The following KIT variants were observed in gnomAD, a reference collection of about 807,000 sequenced individuals.
The protein encoded by KIT is KIT proto-oncogene, receptor tyrosine kinase.
KIT carries 16 observed loss-of-function variants against 105.7 expected under a neutral mutation model. The observed-to-expected ratio is 0.15, with a 90% CI of 0.10 to 0.23. The LOEUF is 0.23. KIT is among the 10% of genes least tolerant of loss of function. The probability of loss-of-function intolerance (pLI) is 1.00; values close to 1 mark genes in which losing one functional copy is unlikely to be tolerated. For synonymous variants in KIT, 438 were observed against 441.1 expected (o/e 0.99, Z 0.09); for missense variants, 858 against 1,213.8 (o/e 0.71, Z 4.36).
chr4:54,662,990 G>A (rs573257495), intron 1 of KIT, among the ~76,000 whole-genome samples: 1 of 146,208 alleles, frequency 6.8e-6, no homozygotes, highest in Non-Finnish European at 1.5e-5. Context: ...TTTTCTCCAG[G>A]GGGGAAAAAA....
chr4:54,684,273 C>T (rs1719153822), intron 1 of KIT, among the ~76,000 whole-genome samples: 1 of 152,176 alleles, frequency 6.6e-6, no homozygotes, highest in African/African-American at 2.4e-5. Flanking sequence ...CCTTGGCGAA[C>T]CTGGGAAACA....
chr4:54,737,049 C>G (rs1248514646), intron 19 of KIT, 126 bp from the exon 20 acceptor site: 4 of 750,918 alleles, frequency 5.3e-6, no homozygotes, highest in Non-Finnish European at 9.7e-6. Flanking sequence ...TTTATGTTAT[C>G]TATATGTCAG....
chr4:54,706,621 CTG>C (rs1348341797), intron 5 of KIT, among the ~76,000 whole-genome samples: 1 of 151,988 alleles, frequency 6.6e-6, no homozygotes, highest in Non-Finnish European at 1.5e-5. Context: ...TTTGATTTAT[CTG>C]TGATATATAA....
intron 1 of KIT, among the ~76,000 whole-genome samples, chr4:54,670,014 T>A (rs1354203524): frequency 2.0e-5 from 3 of 152,158 alleles, no homozygotes; most frequent in Non-Finnish European, 2.9e-5. Context: ...CATCCCACCA[T>A]GTCCCTGCCC....
At chr4:54,712,748 G>A (rs1425610242) in intron 7 of KIT, among the ~76,000 whole-genome samples, 1 of 152,116 alleles carries the variant, frequency 6.6e-6, no homozygotes, top group Non-Finnish European at 1.5e-5. Context: ...GTAAGTAGGA[G>A]GTCTTTTCTG....
intron 1 of KIT, among the ~76,000 whole-genome samples, chr4:54,673,846 G>C (rs943891708): frequency 1.3e-5 from 2 of 151,988 alleles, no homozygotes; most frequent in African/African-American, 4.8e-5. Context: ...TTGAGACAGA[G>C]TCTTGCTCTG....
chr4:54,718,206 T>C (rs1721624007), intron 7 of KIT, among the ~76,000 whole-genome samples: 1 of 152,158 alleles, frequency 6.6e-6, no homozygotes, highest in African/African-American at 2.4e-5. Flanking sequence ...GTTCAAGCAG[T>C]TCTCCTGCCT....
intron 1 of KIT, among the ~76,000 whole-genome samples, chr4:54,687,157 G>A (rs1719363465): frequency 6.6e-6 from 1 of 152,144 alleles, no homozygotes; most frequent in Admixed American, 6.5e-5. Flanking sequence ...ATTTACCACT[G>A]AGTGAAATCA....
At chr4:54,732,076 CAG>C (rs1722645966) in intron 16 of KIT, 78 bp downstream of exon 16, 9 of 1,237,158 alleles carry the variant, frequency 7.3e-6, no homozygotes, top group Non-Finnish European at 9.8e-6. Context: ...TTTTTGAGAA[CAG>C]AGCATTTTAG....
At chr4:54,684,308 T>C (rs1560385536) in intron 1 of KIT, among the ~76,000 whole-genome samples, 1 of 152,020 alleles carries the variant, frequency 6.6e-6, no homozygotes. Context: ...TCCTTGGAAA[T>C]GTGGGACCCA....
chr4:54,698,665 G>A, intron 3 of KIT, 100 bp downstream of exon 3: 1 of 1,322,132 alleles, frequency 7.6e-7, no homozygotes, highest in Non-Finnish European at 1.1e-6. Context: ...CAATCAGGGA[G>A]CTAGCTGTTC....
In KIT at chr4:54,736,560, A is replaced by T. The variant is rs1722932942; in HGVS notation, c.2547A>T (p.Glu849Asp). The change falls in exon 18 of 21, where the codon GAA (glutamate) becomes GAT (aspartate). Residue 849 changes from glutamate (E) to aspartate (D), a missense_variant. Physicochemically the swap from Glu to Asp is conservative, Grantham distance 45. Around this residue, in one of 7 missense-constraint regions of KIT, gnomAD observed 63 missense variants for 137.4 expected, o/e 0.46. Coordinates refer to ENST00000288135, the MANE Select transcript of KIT (RefSeq NM_000222.3). ...ESIFNCVYTF[E>D]SDVWSYGIFL... Reference sequence around the variant, plus strand: ...TTTTCAACTGTGTATACACGTTTGAAAGTGACGTCTGGTCCTATGGGATTT... The same window carrying T: ...TTTTCAACTGTGTATACACGTTTGATAGTGACGTCTGGTCCTATGGGATTT... 1 of 1,614,168 alleles carries T rather than the reference A, an allele frequency of 6.2e-7. No individual in the cohort carries two copies. Among genetic ancestry groups the T allele is most frequent in the Non-Finnish European group, 8.5e-7 (1 of 1,180,014 alleles).
At chr4:54,723,549 C>A in intron 7 of KIT, 35 bp from the exon 8 acceptor site, 1 of 1,384,334 alleles carries the variant, frequency 7.2e-7, no homozygotes, top group Non-Finnish European at 1.0e-6. Flanking sequence ...GGTTTTCCAG[C>A]ACTCTGACAT....
chr4:54,663,747 A>G (rs190180059), intron 1 of KIT, among the ~76,000 whole-genome samples: 56 of 152,312 alleles, frequency 3.7e-4, no homozygotes, highest in Non-Finnish European at 6.3e-4. Flanking sequence ...GAGCTTTTCC[A>G]TGACTGCTTT....
At chr4:54,695,986 G>A in intron 2 of KIT, 2 of 620,514 alleles carry the variant, frequency 3.2e-6, no homozygotes, top group Non-Finnish European at 5.6e-6. Flanking sequence ...CTGGAGGACT[G>A]CAGGACTGTG....
chr4:54,678,973 C>T (rs1160580047), intron 1 of KIT, among the ~76,000 whole-genome samples: 1 of 151,736 alleles, frequency 6.6e-6, no homozygotes, highest in East Asian at 1.9e-4. Context: ...CTTGAAGACT[C>T]ACTGAAGGAG....
At chr4:54,705,197 G>T (rs1720712318) in intron 5 of KIT, among the ~76,000 whole-genome samples, 1 of 152,218 alleles carries the variant, frequency 6.6e-6, no homozygotes, top group South Asian at 2.1e-4. Context: ...ATTGTTGTAT[G>T]TAATCGGATT....
At chr4:54,731,278 C>CT in intron 14 of KIT, 50 bp from the exon 15 acceptor site, 1 of 1,303,758 alleles carries the variant, frequency 7.7e-7, no homozygotes, top group Non-Finnish European at 1.1e-6. Flanking sequence ...CATGAGTGCC[C>CT]TTCTACATGT....
At chr4:54,714,401 C>T (rs1230178387) in intron 7 of KIT, among the ~76,000 whole-genome samples, 1 of 151,754 alleles carries the variant, frequency 6.6e-6, no homozygotes, top group African/African-American at 2.4e-5. Context: ...AATAAAAGGC[C>T]AAATATGCAC....
Sources: allele counts gnomAD v4.1 joint callset (sites outside exome capture counted in the v4.1 genomes callset), GRCh38; gene constraint gnomAD v4.1.1; regional missense constraint gnomAD v4.1.1; transcripts MANE v1.5; gene names NCBI Gene and HGNC (gene_info 2026-07-23, HGNC 2026-07-21).